The following ZMYND11 variants were observed in gnomAD, a reference collection of about 807,000 sequenced individuals.
The protein encoded by ZMYND11 is zinc finger MYND domain-containing protein 11.
A neutral mutation model predicts 84.9 loss-of-function variants in ZMYND11; 9 were observed. The observed-to-expected ratio is 0.11, with a 90% CI of 0.06 to 0.18. ZMYND11 has a LOEUF of 0.18. Among genes scored for constraint, ZMYND11 ranks in the 10% least tolerant of loss-of-function variants. ZMYND11 has a pLI of 1.00. For synonymous variants in ZMYND11, 250 were observed against 244.1 expected, an observed-to-expected ratio of 1.02 and a Z score of -0.23; for missense variants, 409 against 761.0, an observed-to-expected ratio of 0.54 and a Z score of 5.44.
intron 2 of ZMYND11, among the ~76,000 whole-genome samples, chr10:190,072 A>G (rs1939925503): frequency 6.6e-6 from 1 of 152,180 alleles, no homozygotes; most frequent in East Asian, 1.9e-4. Context: ...TCCTGTAGCG[A>G]GAGGGGAATA....
chr10:216,889 T>C (rs1946274815), intron 3 of ZMYND11, among the ~76,000 whole-genome samples: 1 of 152,126 alleles, frequency 6.6e-6, no homozygotes, highest in Non-Finnish European at 1.5e-5. Context: ...ATAAGTAATA[T>C]TTAAAATTAC....
Position 242,077 on chromosome 10 carries a change from C to G in ZMYND11, c.888C>G (p.Ala296=). ...AKMKGFGFWP[A]KVMQKEDNQV... is the part of the protein sequence containing the mutation. ...TGAAAGGTTTTGGGTTTTGGCCAGC[C>G]AAAGTCATGCAGAAAGAAGACAATC... is the stretch of plus-strand genomic sequence containing the variant. Residue 296 remains alanine, a synonymous_variant, in exon 10 of 15, where the codon GCC becomes GCG. Coordinates refer to ENST00000381604, the MANE Select transcript of ZMYND11 (RefSeq NM_001370100.5). 2 of 1,614,022 alleles carry G rather than the reference C, an allele frequency of 1.2e-6. No individual in the cohort carries two copies. The highest frequency in any genetic ancestry group is 1.7e-6 in the Non-Finnish European group (2 of 1,179,998).
chr10:184,114 C>A (rs1848444448), intron 2 of ZMYND11, among the ~76,000 whole-genome samples: 1 of 152,146 alleles, frequency 6.6e-6, no homozygotes, highest in Non-Finnish European at 1.5e-5. Context: ...CTTAACTCTT[C>A]TATCTAAAAT....
intron 8 of ZMYND11, 73 bp downstream of exon 8, chr10:240,184 C>A: frequency 7.7e-7 from 1 of 1,291,710 alleles, no homozygotes; most frequent in Non-Finnish European, 1.1e-6. Flanking sequence ...CCACTCTTAT[C>A]TACATTTTAG....
intron 1 of ZMYND11, among the ~76,000 whole-genome samples, chr10:169,226 A>G (rs1844720266): frequency 6.6e-6 from 1 of 152,088 alleles, no homozygotes; most frequent in East Asian, 1.9e-4. Flanking sequence ...AAGGGGGGAA[A>G]CTGTACAGCC....
rs531263455 is a variant in ZMYND11, at chr10:242,974, C to CA, written c.950+839dup. Among the ~76,000 whole-genome samples, 6 of 144,946 alleles carry CA rather than the reference C, an allele frequency of 4.1e-5. No homozygotes were observed. In the South Asian group the frequency reaches 1.2e-3, roughly 29 times the overall value. Reference sequence around the variant, plus strand: ...AATGATCCAATAAAATAACTCAATACAAAATGAATGTTTTAATTACATTAA... The same window carrying CA: ...AATGATCCAATAAAATAACTCAATACAAAAATGAATGTTTTAATTACATTAA... On this transcript the variant is annotated intron_variant, in intron 10 of 14. Transcript: ENST00000381604.
At chr10:138,430 G>T (rs1836679706) in intron 1 of ZMYND11, among the ~76,000 whole-genome samples, 1 of 152,064 alleles carries the variant, frequency 6.6e-6, no homozygotes, top group Non-Finnish European at 1.5e-5. Context: ...TTGGCGTTTT[G>T]AATGGATGTC....
chr10:252,521 G>T lies in ZMYND11; in HGVS notation c.*51G>T, dbSNP rs534128221. 1 of 1,536,348 alleles carries T rather than the reference G, an allele frequency of 6.5e-7. No homozygotes were observed. On this transcript the variant is annotated 3_prime_UTR_variant, in exon 15 of 15. Transcript: ENST00000381604. The surrounding 1 kb of genome is among the most constrained non-coding windows in gnomAD (Gnocchi z 4.6). The stretch of plus-strand genomic sequence containing the variant: ...GATGATTACTCTTTTCAGACACAGC[G>T]GTTTTTGTTTCCAAGAAGCCAAAAT...
intron 1 of ZMYND11, among the ~76,000 whole-genome samples, chr10:149,285 G>GTTATTATTAATATTATTA (rs1554756302): frequency 1.4e-5 from 2 of 139,322 alleles, no homozygotes; most frequent in Non-Finnish European, 3.0e-5. Flanking sequence ...TGAGGTGGTT[G>GTTATTATTAATATTATTA]TTATTATTAT....
chr10:239,331 G>A, intron 6 of ZMYND11, 107 bp from the exon 7 acceptor site: 2 of 852,996 alleles, frequency 2.3e-6, no homozygotes, highest in Non-Finnish European at 3.8e-6. Context: ...GATGGCAGTA[G>A]TCATCCTGAT....
intron 2 of ZMYND11, among the ~76,000 whole-genome samples, chr10:194,618 C>A (rs1017575802): frequency 1.3e-5 from 2 of 152,132 alleles, no homozygotes. Flanking sequence ...TCATTCCGCT[C>A]GATTTATACT....
At chr10:206,014 GT>G (rs1554775920) in intron 2 of ZMYND11, among the ~76,000 whole-genome samples, 3,248 of 128,922 alleles carry the variant, frequency 0.025, 69 homozygotes, top group African/African-American at 0.086. Flanking sequence ...TCCTAAGGTT[GT>G]TTTTTTTTTT....
At chr10:161,088 A>C (rs1251122610) in intron 1 of ZMYND11, among the ~76,000 whole-genome samples, 1 of 151,464 alleles carries the variant, frequency 6.6e-6, no homozygotes, top group Non-Finnish European at 1.5e-5. Flanking sequence ...CGGCCTCCCA[A>C]AGTGCTGGGA....
At chr10:220,724 T>G (rs937821833) in intron 3 of ZMYND11, among the ~76,000 whole-genome samples, 1 of 152,214 alleles carries the variant, frequency 6.6e-6, no homozygotes, top group Non-Finnish European at 1.5e-5. Flanking sequence ...GATGAGAAGA[T>G]AAGAATAGTG....
intron 2 of ZMYND11, among the ~76,000 whole-genome samples, chr10:184,898 C>T (rs181200156): frequency 5.9e-4 from 80 of 136,188 alleles, no homozygotes; most frequent in Non-Finnish European, 9.4e-4. Context: ...ATCTTTTCCC[C>T]GTTTTTTTTT....
chr10:196,224 G>A (rs1749671178), intron 2 of ZMYND11, among the ~76,000 whole-genome samples: 1 of 152,174 alleles, frequency 6.6e-6, no homozygotes, highest in Non-Finnish European at 1.5e-5. Context: ...TCACATGGAA[G>A]TTACATTATT....
At chr10:202,850 T>C (rs964264828) in intron 2 of ZMYND11, among the ~76,000 whole-genome samples, 1 of 152,194 alleles carries the variant, frequency 6.6e-6, no homozygotes, top group South Asian at 2.1e-4. Context: ...AAAGCAGACC[T>C]CTTCTTGTGT....
chr10:172,013 G>T (rs1002095396), intron 1 of ZMYND11, among the ~76,000 whole-genome samples: 1 of 152,192 alleles, frequency 6.6e-6, no homozygotes, highest in Non-Finnish European at 1.5e-5. Context: ...TGTCTGGTAA[G>T]GGTTACTCTG....
chr10:228,750 G>C (rs778236394), intron 4 of ZMYND11, among the ~76,000 whole-genome samples: 11 of 152,186 alleles, frequency 7.2e-5, no homozygotes, highest in Non-Finnish European at 1.5e-4. Flanking sequence ...TTATGTAGAA[G>C]GGGAAAGGAA....
Sources: gnomAD v4.1 joint callset for allele counts (sites outside exome capture counted in the v4.1 genomes callset) on GRCh38, gnomAD v4.1.1 for gene constraint, Gnocchi (gnomAD v3.1) non-coding constraint, MANE v1.5 for transcripts, NCBI Gene and HGNC (gene_info 2026-07-23, HGNC 2026-07-21) for gene names.